OR6N1: variants seen among roughly 807,000 people sequenced by gnomAD.
The protein encoded by OR6N1 is olfactory receptor family 6 subfamily N member 1.
For missense variants in OR6N1, 394 were observed against 371.7 expected (o/e 1.06, Z -0.49); for synonymous variants, 170 against 150.7 (o/e 1.13, Z -0.94).
At chr1:158,776,231 G>A (rs1657590341), upstream of OR6N1, 2 of 152,944 alleles carry the variant, frequency 1.3e-5, 1 homozygote, top group Admixed American at 1.3e-4. Flanking sequence ...AGAGAGGAAG[G>A]AAAAGAAGTT....
chr1:158,804,799 T>G, the OR6N1 span, among the ~76,000 whole-genome samples: 59 of 152,260 alleles, frequency 3.9e-4, 1 homozygote, highest in Middle Eastern at 6.8e-3. Flanking sequence ...AATAATTCAT[T>G]TATCTATTTA....
At chr1:158,802,035 T>G in the OR6N1 span, among the ~76,000 whole-genome samples, 3 of 151,812 alleles carry the variant, frequency 2.0e-5, no homozygotes, top group Admixed American at 2.0e-4. Context: ...GTGTGTAAAG[T>G]TTTTTGTAAG....
Position 158,766,619 on chromosome 1 carries a change from C to G in OR6N1, c.64G>C (p.Gly22Arg), listed in dbSNP as rs1345179238. Residue 22 changes from glycine (G) to arginine (R), a missense_variant, in exon 2 of 2, where the codon GGT becomes CGT. Gly to Arg is a moderately radical substitution (Grantham distance 125). Coordinates refer to ENST00000641846, the MANE Select transcript of OR6N1 (RefSeq NM_001005185.2). ...FIILGFPHLQGVQIYLFLLLL... is the reference protein window; with the variant it reads ...FIILGFPHLQRVQIYLFLLLL... ...AAGAGGAAGAGATAAATCTGGACAC[C>G]CTGGAGATGGGGGAAGCCCAAGATG... The G allele has an allele frequency of 2.5e-6, 4 of 1,613,726 alleles. No individual in the cohort carries two copies. The highest frequency in any genetic ancestry group is 3.3e-5 in the Admixed American group (2 of 59,978).
the OR6N1 span, among the ~76,000 whole-genome samples, chr1:158,824,862 C>T: frequency 4.6e-5 from 7 of 152,088 alleles, no homozygotes; most frequent in African/African-American, 1.7e-4. Context: ...ACTATAAAAT[C>T]CCCAGCATAT....
chr1:158,801,924 G>A, the OR6N1 span, among the ~76,000 whole-genome samples: 1 of 152,012 alleles, frequency 6.6e-6, no homozygotes, highest in African/African-American at 2.4e-5. Context: ...ATCCTCCTCT[G>A]CATCTTTTCT....
chr1:158,814,292 A>G, the OR6N1 span, among the ~76,000 whole-genome samples: 2 of 152,162 alleles, frequency 1.3e-5, no homozygotes, highest in Non-Finnish European at 2.9e-5. Context: ...CTGTGTGTAT[A>G]TATGTGCACA....
chr1:158,798,105 A>G, the OR6N1 span, among the ~76,000 whole-genome samples: 9 of 152,026 alleles, frequency 5.9e-5, no homozygotes, highest in East Asian at 1.7e-3. Context: ...AATTCTGCCA[A>G]TTGTTCATTC....
At chr1:158,777,404 T>C in the OR6N1 span, 23 of 1,614,170 alleles carry the variant, frequency 1.4e-5, no homozygotes, top group Non-Finnish European at 1.9e-5. Context: ...ATCTTAGGGA[T>C]AGTGGTAGCT....
the OR6N1 span, among the ~76,000 whole-genome samples, chr1:158,815,736 A>T: frequency 1.3e-5 from 2 of 152,240 alleles, no homozygotes; most frequent in Admixed American, 1.3e-4. Context: ...TTACATGTTT[A>T]TAATAATTAT....
chr1:158,839,052 T>TAA, the OR6N1 span, among the ~76,000 whole-genome samples: 5 of 152,298 alleles, frequency 3.3e-5, no homozygotes, highest in African/African-American at 1.2e-4. Flanking sequence ...TTTTAGTCTT[T>TAA]GACAAGAAAG....
the OR6N1 span, among the ~76,000 whole-genome samples, chr1:158,799,431 A>T: frequency 6.6e-6 from 1 of 152,190 alleles, no homozygotes; most frequent in Admixed American, 6.5e-5. Flanking sequence ...GAAAGGTCAT[A>T]TGTAGGCTGA....
the OR6N1 span, among the ~76,000 whole-genome samples, chr1:158,833,754 G>A: frequency 6.6e-6 from 1 of 152,064 alleles, no homozygotes; most frequent in Non-Finnish European, 1.5e-5. Flanking sequence ...TTCATCCATT[G>A]AAGGACACTT....
the OR6N1 span, chr1:158,777,513 A>C: frequency 1.2e-6 from 2 of 1,614,076 alleles, no homozygotes; most frequent in East Asian, 4.5e-5. Flanking sequence ...TGAGCATGTT[A>C]CCACAGATGG....
chr1:158,839,645 A>G, the OR6N1 span, among the ~76,000 whole-genome samples: 1 of 152,214 alleles, frequency 6.6e-6, no homozygotes, highest in Non-Finnish European at 1.5e-5. Flanking sequence ...ATTCCAAAGG[A>G]AGAATGAGGA....
upstream of OR6N1, chr1:158,776,711 C>T: frequency 6.2e-7 from 1 of 1,610,172 alleles, no homozygotes; most frequent in Non-Finnish European, 8.5e-7. Context: ...GCTTTATCTC[C>T]CTTCTGGAAG....
chr1:158,799,666 C>T, the OR6N1 span, among the ~76,000 whole-genome samples: 2 of 152,240 alleles, frequency 1.3e-5, no homozygotes, highest in South Asian at 2.1e-4. Context: ...AACTATAAAT[C>T]GTATGTTTGT....
chr1:158,765,678 G>A lies in OR6N1; in HGVS notation c.*66C>T, dbSNP rs1050060520. 4 of 1,305,640 alleles carry A rather than the reference G, an allele frequency of 3.1e-6. No individual in the cohort carries two copies. Among genetic ancestry groups the A allele is most frequent in the African/African-American group, 1.5e-5 (1 of 67,836 alleles). The allele number at this position is 1,305,640 out of a possible 1,614,324, so 80.9% of individuals were successfully genotyped here. A position where few individuals can be genotyped will look rare whatever the true frequency, so the allele number is the denominator to read the frequency against. On this transcript the variant is annotated 3_prime_UTR_variant, in exon 2 of 2. Coordinates refer to ENST00000641846, the MANE Select transcript of OR6N1 (RefSeq NM_001005185.2). ...ACTGAATTTTTAGTTTCTCGTCTCT[G>A]GCCACTGTTGATCCCTGGGGCCACC... is the stretch of plus-strand genomic sequence containing the variant.
the OR6N1 span, among the ~76,000 whole-genome samples, chr1:158,797,637 GTAAT>G: frequency 6.6e-6 from 1 of 152,126 alleles, no homozygotes; most frequent in South Asian, 2.1e-4. Context: ...AGTAATATTG[GTAAT>G]TAATCTTGTT....
chr1:158,799,458 T>G, the OR6N1 span, among the ~76,000 whole-genome samples: 1 of 152,184 alleles, frequency 6.6e-6, no homozygotes, highest in Non-Finnish European at 1.5e-5. Context: ...GGATCATATA[T>G]GTTCTAAAAA....
Sources: allele counts gnomAD v4.1 joint callset (sites outside exome capture counted in the v4.1 genomes callset), GRCh38; gene constraint gnomAD v4.1.1; transcripts MANE v1.5; gene names NCBI Gene and HGNC (gene_info 2026-07-23, HGNC 2026-07-21).